SNRNP200: variants seen among roughly 807,000 people sequenced by gnomAD.
SNRNP200 encodes U5 small nuclear ribonucleoprotein 200 kDa helicase.
Under a neutral mutation model 255.2 loss-of-function variants are expected in SNRNP200, and 66 were observed. The ratio of observed to expected loss-of-function variants is 0.26; its 90% CI spans 0.21 to 0.32. The LOEUF (loss-of-function observed/expected upper bound fraction) is 0.32. SNRNP200 is among the 10% of genes least tolerant of loss of function. The probability of loss-of-function intolerance (pLI) is 1.00; values close to 1 mark genes in which losing one functional copy is unlikely to be tolerated. For missense variants in SNRNP200, 1,585 were observed against 2,749.8 expected (o/e 0.58, Z 9.47); for synonymous variants, 939 against 1,027.8 (o/e 0.91, Z 1.65).
At chr2:96,298,553 C>T (rs372094338) in intron 8 of SNRNP200, 50 bp downstream of exon 8, 10 of 1,593,770 alleles carry the variant, frequency 6.3e-6, no homozygotes, top group African/African-American at 4.0e-5. Flanking sequence ...CTATGTCACA[C>T]ATGCACACAT....
At chr2:96,297,583 C>T (rs761644524) in intron 10 of SNRNP200, 47 bp from the exon 11 acceptor site, 4 of 1,614,124 alleles carry the variant, frequency 2.5e-6, no homozygotes, top group African/African-American at 2.7e-5. Flanking sequence ...GCAAGCCGAG[C>T]AAGTGAGTTT....
At chr2:96,294,172 G>A (rs945768050) in intron 14 of SNRNP200, among the ~76,000 whole-genome samples, 2 of 147,296 alleles carry the variant, frequency 1.4e-5, no homozygotes, top group Non-Finnish European at 3.0e-5. Flanking sequence ...AGTGGCTCAC[G>A]CCTGTAATCC....
intron 3 of SNRNP200, 119 bp from the exon 4 acceptor site, chr2:96,301,835 A>G (rs2063954423): frequency 9.1e-6 from 9 of 985,964 alleles, no homozygotes; most frequent in Non-Finnish European, 9.5e-6. Flanking sequence ...GCCACATACT[A>G]GGCTCTGACC....
At position 96,286,481 on chromosome 2, in the gene SNRNP200, C is replaced by T. The variant is rs1481817515; in HGVS notation, c.3833G>A (p.Cys1278Tyr). The T allele has an allele frequency of 1.9e-6, 3 of 1,613,968 alleles. No individual in the cohort carries two copies. The highest frequency in any genetic ancestry group is 2.5e-6 in the Non-Finnish European group (3 of 1,180,026). ...IRVVSDRWLS[C>Y]ETQLPVSFRH... ...GAAGGAGACAGGCAGCTGGGTCTCA[C>T]AAGCTGCCAGAAAAGAAACAGGAAG... Residue 1278 changes from cysteine (C) to tyrosine (Y), a missense_variant, in exon 29 of 45, where the codon TGT (cysteine) becomes TAT (tyrosine). This residue lies in a region of SNRNP200 where 719 missense variants were observed against 1,091.1 expected (regional missense o/e 0.66). Transcript: ENST00000323853. This position sits in a 1 kb window ranked among gnomAD's most constrained non-coding sequence, Gnocchi z 4.8.
intron 35 of SNRNP200, chr2:96,281,358 G>A (rs1684757644): frequency 5.3e-6 from 1 of 188,222 alleles, no homozygotes; most frequent in South Asian, 9.1e-5. Context: ...AGTAGAGACG[G>A]GGGTTTCACT....
intron 31 of SNRNP200, 70 bp downstream of exon 31, chr2:96,284,288 C>T (rs2063827730): frequency 1.5e-6 from 2 of 1,369,572 alleles, no homozygotes; most frequent in African/African-American, 1.4e-5. Context: ...CAGACCCAAA[C>T]ATTAGGTCCA....
chr2:96,279,519 C>T lies in SNRNP200; in HGVS notation c.5065G>A (p.Gly1689Ser). 1 of 1,614,050 alleles carries T rather than the reference C, an allele frequency of 6.2e-7. No homozygotes were observed. Among genetic ancestry groups the T allele is most frequent in the Non-Finnish European group, 8.5e-7 (1 of 1,179,952 alleles). Residue 1689 changes from glycine to serine, a missense_variant, in exon 36 of 45, where the codon GGC becomes AGC. By Grantham distance (56) the Gly-to-Ser change is moderately conservative. This residue lies in a region of SNRNP200 where 719 missense variants were observed against 1,091.1 expected (regional missense o/e 0.66). Transcript: ENST00000323853. The stretch of plus-strand genomic sequence containing the variant: ...TCCTGCAAAGGGCGGTTGGCGTGGC[C>T]CACCATCTGAAGCACGTCATAGATG... ...YPIYDVLQMV[G>S]HANRPLQDDE...
At position 96,284,466 on chromosome 2, in the gene SNRNP200, G is replaced by T; in HGVS notation, c.4284C>A (p.Thr1428=). The T allele has an allele frequency of 6.2e-7, 1 of 1,614,172 alleles. No individual in the cohort carries two copies. Among genetic ancestry groups the T allele is most frequent in the South Asian group, 1.1e-5 (1 of 91,082 alleles). ...GGGAAAGTATGTCCCACTTCTCAGG[G>T]GTGCTGATGATAATGTTCCCTTTGC... ...LLGKGNIIIS[T]PEKWDILSRR... The change falls in exon 31 of 45, where the codon ACC becomes ACA. Residue 1428 remains threonine (T), a synonymous_variant. Coordinates refer to ENST00000323853, the MANE Select transcript of SNRNP200 (RefSeq NM_014014.5).
chr2:96,297,826 A>C (rs955340876), intron 9 of SNRNP200, 106 bp from the exon 10 acceptor site: 6 of 1,174,416 alleles, frequency 5.1e-6, no homozygotes, highest in Admixed American at 3.7e-5. Flanking sequence ...GGTGCTGACT[A>C]GTAAGTCGTG....
intron 15 of SNRNP200, 45 bp downstream of exon 15, chr2:96,293,271 C>T (rs753828666): frequency 1.3e-6 from 2 of 1,594,136 alleles, no homozygotes; most frequent in African/African-American, 1.3e-5. Flanking sequence ...GGAAAGAGAG[C>T]AGGATGGTCA....
intron 29 of SNRNP200, among the ~76,000 whole-genome samples, chr2:96,285,918 G>A (rs745562022): frequency 2.6e-5 from 4 of 152,166 alleles, no homozygotes; most frequent in Non-Finnish European, 4.4e-5. Context: ...AGAAAACACC[G>A]GTGATGTACT....
intron 14 of SNRNP200, among the ~76,000 whole-genome samples, chr2:96,293,902 T>C (rs1162424382): frequency 1.3e-5 from 2 of 152,154 alleles, no homozygotes; most frequent in Non-Finnish European, 2.9e-5. Context: ...GTTTGAATAG[T>C]CTAAAGCAGT....
At chr2:96,281,491 A>G (rs1387700064) in intron 35 of SNRNP200, 1 of 346,246 alleles carries the variant, frequency 2.9e-6, no homozygotes, top group Admixed American at 3.9e-5. Flanking sequence ...CTTACTTGTC[A>G]CTATATAGGT....
chr2:96,293,259 G>C, intron 15 of SNRNP200, 57 bp downstream of exon 15: 2 of 1,588,440 alleles, frequency 1.3e-6, no homozygotes, highest in Non-Finnish European at 1.7e-6. Flanking sequence ...CCTTGGAAAA[G>C]AGGAAAGAGA....
intron 3 of SNRNP200, 106 bp from the exon 4 acceptor site, chr2:96,301,822 C>G: frequency 9.0e-7 from 1 of 1,114,670 alleles, no homozygotes. Context: ...CTCTTCAAAA[C>G]CTGCCACATA....
intron 2 of SNRNP200, among the ~76,000 whole-genome samples, chr2:96,304,389 T>C (rs1469361225): frequency 1.3e-5 from 2 of 152,092 alleles, no homozygotes; most frequent in Non-Finnish European, 2.9e-5. Context: ...AGGAAGTTAG[T>C]AATGGGAAAA....
In SNRNP200 at chr2:96,305,481, C is replaced by CGCAA. The variant is rs746858590; in HGVS notation, c.-48_-45dup. On this transcript the variant is annotated 5_prime_UTR_variant, in exon 1 of 45. Transcript: ENST00000323853. ...GCTTCAGACCACCACGCCTCCCTAC[C>CGCAA]GCAAGCTGCAAACGGCCGCAGATCT... 4 of 1,613,072 alleles carry CGCAA rather than the reference C, an allele frequency of 2.5e-6. No individual in the cohort carries two copies. Among genetic ancestry groups the CGCAA allele is most frequent in the Non-Finnish European group, 3.4e-6 (4 of 1,179,890 alleles).
rs551161869 is a variant in SNRNP200, at chr2:96,275,252, C to T, written c.6267+5G>A. 11 of 1,614,126 alleles carry T rather than the reference C, an allele frequency of 6.8e-6. No individual in the cohort carries two copies. In the African/African-American group the frequency reaches 1.5e-4, roughly 22 times the overall value. ...ACAAATGCTAGGGCCAGTGGACACA[C>T]TCACCTTGGCCTTCTGCTGCAAGGT... On this transcript the variant is annotated splice_donor_5th_base_variant and intron_variant, in intron 44 of 44. Coordinates refer to ENST00000323853, the MANE Select transcript of SNRNP200 (RefSeq NM_014014.5).
At chr2:96,284,293 G>T in intron 31 of SNRNP200, 65 bp downstream of exon 31, 1 of 1,403,202 alleles carries the variant, frequency 7.1e-7, no homozygotes, top group Non-Finnish European at 1.0e-6. Flanking sequence ...CCAAACATTA[G>T]GTCCAATGCC....
Sources: gnomAD v4.1 joint callset for allele counts (sites outside exome capture counted in the v4.1 genomes callset) on GRCh38, gnomAD v4.1.1 for gene constraint, gnomAD v4.1.1 regional missense constraint, Gnocchi (gnomAD v3.1) non-coding constraint, MANE v1.5 for transcripts, NCBI Gene and HGNC (gene_info 2026-07-23, HGNC 2026-07-21) for gene names.